HAT1: variants seen among roughly 807,000 people sequenced by gnomAD.
The protein encoded by HAT1 is histone acetyltransferase 1.
HAT1 carries 20 observed loss-of-function variants against 56.6 expected under a neutral mutation model. That is an observed-to-expected ratio of 0.35 (90% CI 0.25 to 0.51). The LOEUF is 0.51. HAT1 is among the 20% of genes least tolerant of loss of function. HAT1 has a pLI of 0.95. For synonymous variants in HAT1, 146 were observed against 165.5 expected (o/e 0.88, Z 0.91); for missense variants, 408 against 504.3 (o/e 0.81, Z 1.83).
intron 3 of HAT1, among the ~76,000 whole-genome samples, chr2:171,947,600 C>G (rs779065095): frequency 3.3e-5 from 5 of 152,164 alleles, no homozygotes; most frequent in Non-Finnish European, 7.4e-5. Flanking sequence ...TGTCCCAGGC[C>G]AGGCGCAGTG....
At chr2:171,934,159 C>T (rs1179329381) in intron 2 of HAT1, among the ~76,000 whole-genome samples, 4 of 152,142 alleles carry the variant, frequency 2.6e-5, no homozygotes, top group Admixed American at 2.6e-4. Context: ...CATCTTGCCT[C>T]ATATTTAAGT....
At chr2:171,968,407 A>G (rs191790315) in intron 8 of HAT1, among the ~76,000 whole-genome samples, 272 of 152,256 alleles carry the variant, frequency 1.8e-3, no homozygotes, top group African/African-American at 6.4e-3. Flanking sequence ...CTAGTGGGTA[A>G]TGTGCCAGCA....
chr2:171,944,916 G>A (rs1687119142), intron 2 of HAT1, among the ~76,000 whole-genome samples: 1 of 152,198 alleles, frequency 6.6e-6, no homozygotes, highest in South Asian at 2.1e-4. Context: ...CGATCACCCA[G>A]GCTGGAGCGC....
chr2:171,964,166 T>C (rs943213785), intron 4 of HAT1, among the ~76,000 whole-genome samples: 3 of 152,188 alleles, frequency 2.0e-5, no homozygotes, highest in Non-Finnish European at 4.4e-5. Flanking sequence ...ATTAGTAGCA[T>C]GTTGTATTAG....
intron 2 of HAT1, among the ~76,000 whole-genome samples, chr2:171,927,548 C>T (rs1035297369): frequency 6.6e-6 from 1 of 152,068 alleles, no homozygotes; most frequent in African/African-American, 2.4e-5. Flanking sequence ...TTGGAATCAG[C>T]CATTTCTCCA....
chr2:171,964,086 C>A (rs1480112925), intron 4 of HAT1, among the ~76,000 whole-genome samples: 1 of 152,130 alleles, frequency 6.6e-6, no homozygotes, highest in East Asian at 1.9e-4. Context: ...GTAACTGAAT[C>A]ATAATAAAGT....
intron 8 of HAT1, among the ~76,000 whole-genome samples, chr2:171,967,537 A>C (rs536393031): frequency 6.6e-6 from 1 of 152,228 alleles, no homozygotes; most frequent in African/African-American, 2.4e-5. Context: ...GACTTACTCG[A>C]CTTACTCGAC....
chr2:171,951,369 T>TA (rs1209117436), intron 3 of HAT1, among the ~76,000 whole-genome samples: 1 of 152,200 alleles, frequency 6.6e-6, no homozygotes, highest in Non-Finnish European at 1.5e-5. Context: ...TTTACTACTT[T>TA]AAAAAATCTG....
At chr2:171,977,325 G>A (rs1282275129) in intron 9 of HAT1, among the ~76,000 whole-genome samples, 1 of 149,944 alleles carries the variant, frequency 6.7e-6, no homozygotes, top group East Asian at 2.0e-4. Context: ...AGCTGGGCGT[G>A]GTGGCGCGTG....
chr2:171,966,836 A>C lies in HAT1; in HGVS notation c.717-7A>C, dbSNP rs1687693877. 1 of 1,362,256 alleles carries C rather than the reference A, an allele frequency of 7.3e-7. No individual in the cohort carries two copies. The highest frequency in any genetic ancestry group is 1.4e-5 in the African/African-American group (1 of 69,674). 84.4% of individuals were successfully genotyped at this position (1,362,256 alleles called of 1,614,324 possible). On this transcript the variant is annotated splice_region_variant and splice_polypyrimidine_tract_variant and intron_variant, in intron 7 of 10. Transcript: ENST00000264108. ...ATTTTAATTTTAAAATAATTTCTTT[A>C]CTGTAGTCAGATGCTGATTTTGACT...
intron 4 of HAT1, among the ~76,000 whole-genome samples, chr2:171,964,373 G>C (rs995220909): frequency 2.0e-5 from 3 of 152,042 alleles, no homozygotes; most frequent in Non-Finnish European, 4.4e-5. Context: ...CTGAACTCAC[G>C]GCAAACTCCA....
At chr2:171,942,766 C>A (rs1459595036) in intron 2 of HAT1, among the ~76,000 whole-genome samples, 9 of 152,110 alleles carry the variant, frequency 5.9e-5, no homozygotes, top group Admixed American at 5.9e-4. Flanking sequence ...CTTTTAGTTC[C>A]TATTTTCTGT....
intron 2 of HAT1, among the ~76,000 whole-genome samples, chr2:171,933,817 T>C (rs935603204): frequency 6.6e-6 from 1 of 152,220 alleles, no homozygotes; most frequent in Admixed American, 6.5e-5. Flanking sequence ...TAGCTTATCA[T>C]GTAGGATCTG....
At chr2:171,930,403 C>T (rs753927381) in intron 2 of HAT1, among the ~76,000 whole-genome samples, 1 of 152,082 alleles carries the variant, frequency 6.6e-6, no homozygotes, top group African/African-American at 2.4e-5. Context: ...CTTCTGGGTT[C>T]GAGTGATCTG....
At chr2:171,976,960 G>A (rs918990363) in intron 9 of HAT1, among the ~76,000 whole-genome samples, 2 of 145,798 alleles carry the variant, frequency 1.4e-5, no homozygotes, top group Non-Finnish European at 3.0e-5. Context: ...CAGATCATGA[G>A]GTCAGGACAT....
chr2:171,945,649 A>G (rs1267726760), intron 2 of HAT1, among the ~76,000 whole-genome samples: 1 of 150,092 alleles, frequency 6.7e-6, no homozygotes, highest in South Asian at 2.1e-4. Context: ...ATGCGCCACC[A>G]TGGCTAGCCA....
At chr2:171,943,677 T>C (rs1199723581) in intron 2 of HAT1, among the ~76,000 whole-genome samples, 1 of 150,352 alleles carries the variant, frequency 6.7e-6, no homozygotes, top group African/African-American at 2.4e-5. Context: ...AGTAGGTATC[T>C]AAACATCATG....
At chr2:171,946,375 G>A (rs919368973) in intron 2 of HAT1, among the ~76,000 whole-genome samples, 1 of 152,170 alleles carries the variant, frequency 6.6e-6, no homozygotes, top group Admixed American at 6.5e-5. Context: ...TTACCTCAAA[G>A]TGTCTTTTTG....
intron 2 of HAT1, among the ~76,000 whole-genome samples, chr2:171,944,251 G>A (rs188240596): frequency 4.5e-4 from 68 of 152,064 alleles, no homozygotes; most frequent in Non-Finnish European, 6.9e-4. Context: ...GTCCCTTTCC[G>A]TCCACATGCA....
Sources: gnomAD v4.1 joint callset for allele counts (sites outside exome capture counted in the v4.1 genomes callset) on GRCh38, gnomAD v4.1.1 for gene constraint, MANE v1.5 for transcripts, NCBI Gene and HGNC (gene_info 2026-07-23, HGNC 2026-07-21) for gene names.